The following CEP85L variants were observed in gnomAD, a reference collection of about 807,000 sequenced individuals.
The protein encoded by CEP85L is centrosomal protein 85L, also known as centrosomal protein of 85 kDa-like.
In CEP85L, 60 loss-of-function variants were observed where a neutral mutation model predicts 100.3. That is an observed-to-expected ratio of 0.60 (90% CI 0.49 to 0.74). CEP85L has a LOEUF of 0.74. Ranked by LOEUF, CEP85L falls within the 30% of genes least tolerant of loss-of-function variation. CEP85L has a pLI of 0.00. For missense variants in CEP85L, 973 were observed against 936.2 expected (o/e 1.04, Z -0.51); for synonymous variants, 319 against 322.7 (o/e 0.99, Z 0.12).
At chr6:118,534,553 T>C (rs570242727) in intron 3 of CEP85L, among the ~76,000 whole-genome samples, 2 of 152,214 alleles carry the variant, frequency 1.3e-5, no homozygotes, top group South Asian at 4.1e-4. Flanking sequence ...CTCAGGAGGC[T>C]GAGGCAGGAG....
intron 5 of CEP85L, chr6:118,501,777 C>T (rs1330278112): frequency 4.0e-6 from 4 of 992,316 alleles, no homozygotes; most frequent in Non-Finnish European, 6.4e-6. Context: ...GAACAGACAT[C>T]TCACAGAGTG....
intron 6 of CEP85L, among the ~76,000 whole-genome samples, chr6:118,489,515 T>G (rs769016558): frequency 6.6e-6 from 1 of 152,142 alleles, no homozygotes; most frequent in African/African-American, 2.4e-5. Flanking sequence ...AATTCCTGCA[T>G]AGAAGACATA....
chr6:118,507,804 C>T (rs1015406353), intron 5 of CEP85L, among the ~76,000 whole-genome samples: 1 of 152,168 alleles, frequency 6.6e-6, no homozygotes, highest in Non-Finnish European at 1.5e-5. Flanking sequence ...TCACTTCCTA[C>T]AGGAAGCCTG....
chr6:118,642,198 G>C (rs776260018), intron 1 of CEP85L, among the ~76,000 whole-genome samples: 3 of 152,122 alleles, frequency 2.0e-5, no homozygotes, highest in Non-Finnish European at 4.4e-5. Context: ...AATTTTTGCT[G>C]TTAGGCATGT....
chr6:118,514,315 C>T (rs1042273697), intron 4 of CEP85L, among the ~76,000 whole-genome samples: 9 of 151,554 alleles, frequency 5.9e-5, no homozygotes, highest in Admixed American at 3.9e-4. Flanking sequence ...ACTTGAGGTC[C>T]GGAGTTCAAG....
chr6:118,651,998 T>G, upstream of CEP85L: 1 of 706,492 alleles, frequency 1.4e-6, no homozygotes, highest in South Asian at 6.4e-5. Context: ...CCAGCCTCCC[T>G]TGGAATTAGG....
intron 2 of CEP85L, among the ~76,000 whole-genome samples, chr6:118,626,709 A>ACT (rs561063569): frequency 1.0e-3 from 155 of 151,216 alleles, no homozygotes; most frequent in African/African-American, 3.6e-3. Flanking sequence ...CCTACAGCTC[A>ACT]CTCTCTCTCT....
At chr6:118,651,761 ACTGGGCT>A (rs1775585671), upstream of CEP85L, 1 of 986,020 alleles carries the variant, frequency 1.0e-6, no homozygotes, top group African/African-American at 1.8e-5. Context: ...CTTGGCGGCG[ACTGGGCT>A]GTCCCGCCCT....
At chr6:118,627,112 T>A (rs1182769247) in intron 2 of CEP85L, among the ~76,000 whole-genome samples, 1 of 142,094 alleles carries the variant, frequency 7.0e-6, no homozygotes, top group Non-Finnish European at 1.5e-5. Flanking sequence ...GGCAGGAGAA[T>A]CACTTGAACC....
intron 4 of CEP85L, among the ~76,000 whole-genome samples, chr6:118,512,260 G>A (rs916926638): frequency 1.3e-5 from 2 of 152,144 alleles, no homozygotes; most frequent in Non-Finnish European, 2.9e-5. Flanking sequence ...AACCAAGGCA[G>A]CTGTAGTTAG....
rs961254002 is a variant in CEP85L, at chr6:118,461,115, A to C, written c.*4290T>G. On this transcript the variant is annotated 3_prime_UTR_variant, in exon 13 of 13. Transcript: ENST00000368491. ...TCTGGGTGGTTCAAAAACTGAACCCAGCTTACAAAACCACCAGTCATAGTG... is the reference window on the plus strand; with the variant it reads ...TCTGGGTGGTTCAAAAACTGAACCCCGCTTACAAAACCACCAGTCATAGTG... The C allele has an allele frequency of 1.3e-5, 2 of 152,044 alleles. No individual in the cohort carries two copies. Among genetic ancestry groups the C allele is most frequent in the Non-Finnish European group, 2.9e-5 (2 of 67,984 alleles). The allele number at this position is 152,044 out of a possible 1,614,324, so 9.4% of individuals were successfully genotyped here.
intron 4 of CEP85L, among the ~76,000 whole-genome samples, chr6:118,517,701 C>T (rs1047628231): frequency 3.9e-5 from 6 of 152,204 alleles, no homozygotes; most frequent in African/African-American, 1.4e-4. Flanking sequence ...AATTTGACTT[C>T]CTCTCTTCCT....
intron 3 of CEP85L, among the ~76,000 whole-genome samples, chr6:118,546,157 A>C (rs1562247789): frequency 6.6e-6 from 1 of 152,138 alleles, no homozygotes; most frequent in South Asian, 2.1e-4. Flanking sequence ...TCCACATGAG[A>C]TCATCACCAT....
intron 1 of CEP85L, among the ~76,000 whole-genome samples, chr6:118,694,341 T>C (rs1284146661): frequency 6.6e-6 from 1 of 152,108 alleles, no homozygotes; most frequent in East Asian, 1.9e-4. Flanking sequence ...CACCACTTAA[T>C]ATAAAATAAT....
chr6:118,642,036 T>C (rs1774916099), intron 1 of CEP85L, among the ~76,000 whole-genome samples: 1 of 152,138 alleles, frequency 6.6e-6, no homozygotes, highest in Non-Finnish European at 1.5e-5. Context: ...ATCAACTGTA[T>C]GTACCACTAA....
At chr6:118,488,215 G>A (rs1440246973) in intron 6 of CEP85L, among the ~76,000 whole-genome samples, 1 of 151,818 alleles carries the variant, frequency 6.6e-6, no homozygotes, top group Non-Finnish European at 1.5e-5. Context: ...TAAATCTCCT[G>A]AAACCAAATC....
intron 3 of CEP85L, among the ~76,000 whole-genome samples, chr6:118,557,819 C>T (rs1328168905): frequency 2.6e-5 from 4 of 152,242 alleles, no homozygotes; most frequent in East Asian, 1.9e-4. Flanking sequence ...GAGATCCCAC[C>T]GTATTTGAAT....
chr6:118,667,858 T>C (rs1385266246), intron 1 of CEP85L, among the ~76,000 whole-genome samples: 2 of 152,176 alleles, frequency 1.3e-5, no homozygotes, highest in Admixed American at 6.5e-5. Context: ...ACTATGTCTT[T>C]GTAGTACTGC....
chr6:118,620,202 T>C (rs1310566821), intron 2 of CEP85L, among the ~76,000 whole-genome samples: 1 of 152,148 alleles, frequency 6.6e-6, no homozygotes, highest in Non-Finnish European at 1.5e-5. Flanking sequence ...AAAGGATAAA[T>C]TTATCACCCA....
Sources: gnomAD v4.1 joint callset for allele counts (sites outside exome capture counted in the v4.1 genomes callset) on GRCh38, gnomAD v4.1.1 for gene constraint, MANE v1.5 for transcripts, NCBI Gene and HGNC (gene_info 2026-07-23, HGNC 2026-07-21) for gene names.